Variants in LRRTM4 observed in about 807,000 individuals in gnomAD.
LRRTM4 encodes leucine rich repeat transmembrane neuronal 4, also known as leucine-rich repeat transmembrane neuronal protein 4.
A neutral mutation model predicts 47.6 loss-of-function variants in LRRTM4; 25 were observed. The ratio of observed to expected loss-of-function variants is 0.53; its 90% CI spans 0.38 to 0.73. The LOEUF (loss-of-function observed/expected upper bound fraction) is 0.73. Ranked by LOEUF, LRRTM4 falls within the 30% of genes least tolerant of loss-of-function variation. The pLI is 0.00. For synonymous variants in LRRTM4, 311 were observed against 269.5 expected (o/e 1.15, Z -1.51); for missense variants, 638 against 713.4 (o/e 0.89, Z 1.20).
intron 3 of LRRTM4, among the ~76,000 whole-genome samples, chr2:76,997,581 C>A (rs918080100): frequency 6.6e-6 from 1 of 152,098 alleles, no homozygotes; most frequent in Non-Finnish European, 1.5e-5. Flanking sequence ...CTGATTCAGT[C>A]TACTAATTTA....
chr2:77,238,781 A>G (rs1409753776), intron 3 of LRRTM4, among the ~76,000 whole-genome samples: 1 of 152,024 alleles, frequency 6.6e-6, no homozygotes, highest in African/African-American at 2.4e-5. Flanking sequence ...TATGCAAACC[A>G]GAAAACAAAA....
At chr2:77,082,657 T>G (rs1680569781) in intron 3 of LRRTM4, among the ~76,000 whole-genome samples, 1 of 150,668 alleles carries the variant, frequency 6.6e-6, no homozygotes, top group South Asian at 2.1e-4. Context: ...ATATTTGAAT[T>G]TATCTCGCTA....
intron 3 of LRRTM4, among the ~76,000 whole-genome samples, chr2:77,022,842 C>A (rs183826786): frequency 6.6e-6 from 1 of 152,102 alleles, no homozygotes; most frequent in Non-Finnish European, 1.5e-5. Context: ...TCAAGGCTCG[C>A]GTTGTAAGCT....
intron 3 of LRRTM4, among the ~76,000 whole-genome samples, chr2:77,057,654 T>G (rs1265758256): frequency 6.6e-6 from 1 of 152,156 alleles, no homozygotes; most frequent in African/African-American, 2.4e-5. Flanking sequence ...TCAGGTGGTT[T>G]CAAGCAAAAC....
intron 3 of LRRTM4, among the ~76,000 whole-genome samples, chr2:76,840,550 T>C (rs1057161988): frequency 1.3e-5 from 2 of 152,094 alleles, no homozygotes; most frequent in Non-Finnish European, 2.9e-5. Flanking sequence ...AGTCTTCACA[T>C]GCAAAAGATA....
chr2:77,510,847 T>C (rs1015807262), intron 3 of LRRTM4, among the ~76,000 whole-genome samples: 2 of 152,100 alleles, frequency 1.3e-5, no homozygotes, highest in Non-Finnish European at 2.9e-5. Flanking sequence ...AAATTATAAG[T>C]GTCATAAGTT....
At position 77,066,249 on chromosome 2, in the gene LRRTM4, C is replaced by T. The variant is rs563341761; in HGVS notation, c.1552-317333G>A. ...ATATAGTACGTAGGTTTTTATGTGT[C>T]TCAGTTCTTCATCTATAAAACTGGG... On this transcript the variant is annotated intron_variant, in intron 3 of 3. Transcript: ENST00000409884. 4.9e-3 allele frequency among the ~76,000 whole-genome samples: 739 copies of T among 152,160 alleles called. 3 individuals are homozygous for T. The highest frequency in any genetic ancestry group is 9.3e-3 in the Non-Finnish European group (633 of 67,990).
intron 3 of LRRTM4, among the ~76,000 whole-genome samples, chr2:77,049,122 T>TTATATA (rs3058032): frequency 0.017 from 1,066 of 62,414 alleles, 17 homozygotes; most frequent in Non-Finnish European, 0.022. Context: ...ATTTCATTTT[T>TTATATA]TATATATATA....
intron 3 of LRRTM4, among the ~76,000 whole-genome samples, chr2:77,452,416 T>G (rs542059869): frequency 1.3e-3 from 202 of 152,292 alleles, no homozygotes; most frequent in African/African-American, 4.7e-3. Flanking sequence ...GAGTGTGTCA[T>G]GAGCTCGCTT....
chr2:76,791,405 A>G (rs1218163580), intron 3 of LRRTM4, among the ~76,000 whole-genome samples: 3 of 152,218 alleles, frequency 2.0e-5, no homozygotes, highest in Admixed American at 6.5e-5. Context: ...ATTAGAATGT[A>G]AGTTTCATAC....
At chr2:76,988,633 G>A (rs1676892110) in intron 3 of LRRTM4, among the ~76,000 whole-genome samples, 1 of 151,768 alleles carries the variant, frequency 6.6e-6, no homozygotes, top group South Asian at 2.1e-4. Context: ...ATATTTTGTA[G>A]AGGCTATAAA....
intron 3 of LRRTM4, among the ~76,000 whole-genome samples, chr2:76,926,018 C>T (rs1674578757): frequency 6.6e-6 from 1 of 152,130 alleles, no homozygotes; most frequent in African/African-American, 2.4e-5. Context: ...CAAGCCTTTT[C>T]TTTCCAACTG....
chr2:77,454,809 C>T (rs951503068), intron 3 of LRRTM4, among the ~76,000 whole-genome samples: 8 of 152,110 alleles, frequency 5.3e-5, no homozygotes, highest in Admixed American at 1.3e-4. Flanking sequence ...TAAATGATGC[C>T]CAATCAATAT....
intron 3 of LRRTM4, among the ~76,000 whole-genome samples, chr2:76,923,352 G>T (rs909777266): frequency 1.3e-5 from 2 of 151,788 alleles, no homozygotes; most frequent in African/African-American, 4.8e-5. Flanking sequence ...TTGTGAGCTG[G>T]TTGTTAAACA....
intron 3 of LRRTM4, among the ~76,000 whole-genome samples, chr2:77,470,495 G>A (rs1018758028): frequency 6.6e-6 from 1 of 152,120 alleles, no homozygotes; most frequent in African/African-American, 2.4e-5. Flanking sequence ...CATTCATTTG[G>A]TACAATGAAG....
chr2:76,767,666 C>T (rs1234917025), intron 3 of LRRTM4, among the ~76,000 whole-genome samples: 12 of 151,472 alleles, frequency 7.9e-5, no homozygotes, highest in Admixed American at 7.9e-4. Flanking sequence ...ATCCATGCTC[C>T]CACTCTGCAT....
At chr2:76,782,567 A>G (rs1980199) in intron 3 of LRRTM4, among the ~76,000 whole-genome samples, 1,990 of 152,352 alleles carry the variant, frequency 0.013, 36 homozygotes, top group African/African-American at 0.039. Context: ...TTAAGCAGTT[A>G]TGATTTAATA....
At chr2:76,790,113 G>A (rs1674895122) in intron 3 of LRRTM4, among the ~76,000 whole-genome samples, 1 of 152,166 alleles carries the variant, frequency 6.6e-6, no homozygotes. Context: ...AGAGATTTTG[G>A]TTTACTTTTA....
At chr2:76,753,422 G>C (rs533400332) in intron 3 of LRRTM4, among the ~76,000 whole-genome samples, 1 of 152,198 alleles carries the variant, frequency 6.6e-6, no homozygotes, top group Non-Finnish European at 1.5e-5. Flanking sequence ...GCACATGATG[G>C]CTCATAGATT....
Sources: allele counts gnomAD v4.1 joint callset (sites outside exome capture counted in the v4.1 genomes callset), GRCh38; gene constraint gnomAD v4.1.1; transcripts MANE v1.5; gene names NCBI Gene and HGNC (gene_info 2026-07-23, HGNC 2026-07-21).